Variants in TFCP2L1 observed in about 807,000 individuals in gnomAD.
The protein encoded by TFCP2L1 is transcription factor CP2 like 1.
TFCP2L1 carries 12 observed loss-of-function variants against 72.2 expected under a neutral mutation model. The ratio of observed to expected loss-of-function variants is 0.17; its 90% CI spans 0.11 to 0.27. The LOEUF (loss-of-function observed/expected upper bound fraction) is 0.27, where lower values mean the gene tolerates loss of function less well. Ranked by LOEUF, TFCP2L1 falls within the 10% of genes least tolerant of loss-of-function variation. The probability of loss-of-function intolerance (pLI) is 1.00; values close to 1 mark genes in which losing one functional copy is unlikely to be tolerated. For missense variants in TFCP2L1, 488 were observed against 624.6 expected, an observed-to-expected ratio of 0.78 and a Z score of 2.33; for synonymous variants, 260 against 251.0, an observed-to-expected ratio of 1.04 and a Z score of -0.34.
At chr2:121,280,970 G>A in intron 2 of TFCP2L1, 150 bp downstream of exon 2, 3 of 915,600 alleles carry the variant, frequency 3.3e-6, no homozygotes, top group South Asian at 1.7e-5. Flanking sequence ...GCTGGAAAAT[G>A]GAATCTGAAC....
At chr2:121,235,401 G>T in intron 10 of TFCP2L1, 90 bp from the exon 11 acceptor site, 2 of 1,276,546 alleles carry the variant, frequency 1.6e-6, no homozygotes, top group Non-Finnish European at 1.1e-6. Context: ...TAGCACTGGG[G>T]GTGGGGGGTG....
At chr2:121,243,970 CT>C (rs1299249576) in intron 6 of TFCP2L1, among the ~76,000 whole-genome samples, 6 of 152,268 alleles carry the variant, frequency 3.9e-5, no homozygotes, top group Non-Finnish European at 8.8e-5. Context: ...GCCCCGCTGC[CT>C]TGGAGTGATG....
rs1449025240 is a variant in TFCP2L1, at chr2:121,224,344, G to C, written c.1437C>G (p.Leu479=). ...DGYHIILKCG[L] ...CAGGTATGAGGTCCACTGCTGCTCAGAGTCCACATTTCAGGATGATGTGGT... is the reference window on the plus strand; with the variant it reads ...CAGGTATGAGGTCCACTGCTGCTCACAGTCCACATTTCAGGATGATGTGGT... Residue 479 remains leucine (L), a synonymous_variant, in exon 15 of 15, where the codon CTC becomes CTG. Coordinates refer to ENST00000263707, the MANE Select transcript of TFCP2L1 (RefSeq NM_014553.3). 1.2e-6 allele frequency: 2 copies of C among 1,614,050 alleles called. No homozygotes were observed. The highest frequency in any genetic ancestry group is 1.3e-5 in the African/African-American group (1 of 75,052).
intron 2 of TFCP2L1, among the ~76,000 whole-genome samples, chr2:121,262,967 C>T (rs1686855077): frequency 6.6e-6 from 1 of 152,144 alleles, no homozygotes; most frequent in African/African-American, 2.4e-5. Flanking sequence ...TGGAGTTTCA[C>T]TCTTGTTGCC....
rs1012437597 is a variant in TFCP2L1, at chr2:121,240,136, C to T, written c.769-487G>A. On this transcript the variant is annotated intron_variant, in intron 7 of 14. Transcript: ENST00000263707. The stretch of plus-strand genomic sequence containing the variant: ...TGAAAAAAGAATCTGCTGACAGGGG[C>T]GGAGGCTCTTGCACAATCACCAAAA... 80 of 984,442 alleles carry T rather than the reference C, an allele frequency of 8.1e-5. No individual in the cohort carries two copies. In the Admixed American group the frequency reaches 1.8e-3, roughly 22 times the overall value. 61.0% of individuals were successfully genotyped at this position (984,442 alleles called of 1,614,324 possible). A position where few individuals can be genotyped will look rare whatever the true frequency, so the allele number is the denominator to read the frequency against.
At chr2:121,228,585 T>C (rs897937107) in intron 13 of TFCP2L1, among the ~76,000 whole-genome samples, 4 of 148,338 alleles carry the variant, frequency 2.7e-5, no homozygotes, top group Non-Finnish European at 4.5e-5. Context: ...CATGGCGAAA[T>C]GTTGTCTCTA....
At chr2:121,243,614 C>T (rs765282746) in intron 6 of TFCP2L1, among the ~76,000 whole-genome samples, 4 of 152,108 alleles carry the variant, frequency 2.6e-5, no homozygotes, top group Admixed American at 1.3e-4. Context: ...AGACCAGTGG[C>T]GGATTTAGAT....
chr2:121,266,960 T>C (rs563524702), intron 2 of TFCP2L1, among the ~76,000 whole-genome samples: 2 of 152,174 alleles, frequency 1.3e-5, no homozygotes, highest in South Asian at 2.1e-4. Flanking sequence ...TTGCTCAGAC[T>C]GGAGTGCAGT....
chr2:121,274,610 T>TCCA (rs1305782007), intron 2 of TFCP2L1, among the ~76,000 whole-genome samples: 1 of 152,098 alleles, frequency 6.6e-6, no homozygotes, highest in East Asian at 1.9e-4. Context: ...CCAAAATACT[T>TCCA]CCAATCCCAA....
At chr2:121,262,396 C>T (rs769178929) in intron 2 of TFCP2L1, among the ~76,000 whole-genome samples, 14 of 151,936 alleles carry the variant, frequency 9.2e-5, no homozygotes, top group Non-Finnish European at 1.8e-4. Flanking sequence ...ACCCGGGAGG[C>T]GAGGCTGCAG....
chr2:121,236,381 A>G (rs1022738687), intron 10 of TFCP2L1, among the ~76,000 whole-genome samples: 1 of 152,178 alleles, frequency 6.6e-6, no homozygotes, highest in Admixed American at 6.5e-5. Context: ...ACGGGCCCAC[A>G]GTTAAAGGAA....
intron 13 of TFCP2L1, among the ~76,000 whole-genome samples, chr2:121,228,867 G>A (rs1686085893): frequency 6.7e-6 from 1 of 149,256 alleles, no homozygotes; most frequent in African/African-American, 2.5e-5. Flanking sequence ...AAAATAGCAA[G>A]TTGCAGATAA....
intron 2 of TFCP2L1, among the ~76,000 whole-genome samples, chr2:121,260,247 G>A (rs985161783): frequency 2.6e-5 from 4 of 151,996 alleles, no homozygotes; most frequent in Non-Finnish European, 5.9e-5. Context: ...GCCTGGCCCA[G>A]GAGAAGAGGG....
chr2:121,242,490 C>T (rs147398907), intron 6 of TFCP2L1, 21 bp from the exon 7 acceptor site: 102 of 1,611,410 alleles, frequency 6.3e-5, no homozygotes, highest in Non-Finnish European at 8.3e-5. Flanking sequence ...AGTACAGAGT[C>T]CAATCAGCCC....
intron 6 of TFCP2L1, 95 bp from the exon 7 acceptor site, chr2:121,242,564 G>T: frequency 8.5e-7 from 1 of 1,170,546 alleles, no homozygotes. Flanking sequence ...AGGGCCCCAG[G>T]GCGCAGGGAG....
At chr2:121,272,794 A>C (rs1687070444) in intron 2 of TFCP2L1, among the ~76,000 whole-genome samples, 1 of 152,148 alleles carries the variant, frequency 6.6e-6, no homozygotes, top group Non-Finnish European at 1.5e-5. Flanking sequence ...GGCAGCACCT[A>C]CTTTGTAGGG....
In TFCP2L1 at chr2:121,281,209, G is replaced by T. The variant is rs141473122; in HGVS notation, c.125C>A (p.Ala42Asp). 38 of 1,613,360 alleles carry T rather than the reference G, an allele frequency of 2.4e-5. No homozygotes were observed. In the Admixed American group the frequency reaches 3.3e-4, roughly 14 times the overall value. The change falls in exon 2 of 15, where the codon GCC becomes GAC. Residue 42 changes from alanine (A) to aspartate (D), a missense_variant. Physicochemically the swap from Ala to Asp is moderately radical, Grantham distance 126. Around this residue, in one of 3 missense-constraint regions of TFCP2L1, gnomAD observed 73 missense variants for 59.7 expected, o/e 1.22. Transcript: ENST00000263707. Reference protein sequence around the residue: ...EEPQLSPENEARLPPLQYVLC... With the variant: ...EEPQLSPENEDRLPPLQYVLC... ...CACATATTGCAGGGGTGGCAGGCGG[G>T]CCTCGTTCTCGGGGGACAGCTGGGG...
chr2:121,252,003 G>A lies in TFCP2L1; in HGVS notation c.215-2356C>T, dbSNP rs558051659. Among the ~76,000 whole-genome samples, 12 of 152,152 alleles carry A rather than the reference G, an allele frequency of 7.9e-5. No individual in the cohort carries two copies. The East Asian group carries it at 1.7e-3, about 22-fold the overall frequency. ...TAGGAAGAGCAAACCCAGTGGCTAC[G>A]GGCATTCTATTCTATTGTATTCTAT... On this transcript the variant is annotated intron_variant, in intron 2 of 14. Transcript: ENST00000263707.
chr2:121,271,122 A>C (rs1687038163), intron 2 of TFCP2L1, among the ~76,000 whole-genome samples: 1 of 150,846 alleles, frequency 6.6e-6, no homozygotes, highest in Admixed American at 6.6e-5. Flanking sequence ...CCTGGGAGGA[A>C]AAGATTGCAG....
Sources: allele counts gnomAD v4.1 joint callset (sites outside exome capture counted in the v4.1 genomes callset), GRCh38; gene constraint gnomAD v4.1.1; regional missense constraint gnomAD v4.1.1; transcripts MANE v1.5; gene names NCBI Gene and HGNC (gene_info 2026-07-23, HGNC 2026-07-21).